Variants in HCN1 observed in about 807,000 individuals in gnomAD.
HCN1 encodes potassium/sodium hyperpolarization-activated cyclic nucleotide-gated channel 1.
Under a neutral mutation model 78.9 loss-of-function variants are expected in HCN1, and 13 were observed. That is an observed-to-expected ratio of 0.16 (90% CI 0.11 to 0.26). The LOEUF is 0.26. HCN1 is among the 10% of genes least tolerant of loss of function. HCN1 has a pLI of 1.00. For synonymous variants in HCN1, 552 were observed against 455.5 expected (o/e 1.21, Z -2.70); for missense variants, 810 against 1,154.3 (o/e 0.70, Z 4.32).
At chr5:45,649,681 T>C (rs1382113021) in intron 1 of HCN1, among the ~76,000 whole-genome samples, 1 of 152,094 alleles carries the variant, frequency 6.6e-6, no homozygotes, top group South Asian at 2.1e-4. Flanking sequence ...CATTACTGAT[T>C]CAAGTTATTT....
At chr5:45,593,206 G>A (rs1433847516) in intron 2 of HCN1, among the ~76,000 whole-genome samples, 1 of 102,422 alleles carries the variant, frequency 9.8e-6, no homozygotes, top group Admixed American at 1.2e-4. Flanking sequence ...GCGCATGCAC[G>A]CACGCGCACA....
intron 2 of HCN1, among the ~76,000 whole-genome samples, chr5:45,531,232 C>G (rs1742841283): frequency 1.3e-5 from 2 of 152,070 alleles, no homozygotes; most frequent in Admixed American, 1.3e-4. Flanking sequence ...TTGACTCTTC[C>G]CTTTGAACTG....
At chr5:45,607,206 A>T (rs1318856602) in intron 2 of HCN1, among the ~76,000 whole-genome samples, 1 of 151,852 alleles carries the variant, frequency 6.6e-6, no homozygotes, top group African/African-American at 2.4e-5. Flanking sequence ...TTATTAAAAA[A>T]TTTTCAAAAA....
intron 6 of HCN1, among the ~76,000 whole-genome samples, chr5:45,292,230 A>G (rs574219291): frequency 2.4e-4 from 37 of 152,116 alleles, no homozygotes; most frequent in Non-Finnish European, 5.2e-4. Flanking sequence ...TCTTAATCTT[A>G]CAATTGATAA....
intron 4 of HCN1, among the ~76,000 whole-genome samples, chr5:45,372,979 TA>T (rs910009087): frequency 3.6e-5 from 5 of 138,450 alleles, no homozygotes; most frequent in African/African-American, 7.8e-5. Flanking sequence ...ATAAAATAAA[TA>T]AAAAATAATA....
intron 2 of HCN1, among the ~76,000 whole-genome samples, chr5:45,613,155 TC>T (rs976432939): frequency 1.7e-5 from 1 of 60,012 alleles, no homozygotes; most frequent in Non-Finnish European, 3.1e-5. Context: ...CCCTCCCCCC[TC>T]CCCCCACCCC....
At chr5:45,495,873 C>T (rs1326271153) in intron 2 of HCN1, among the ~76,000 whole-genome samples, 1 of 152,118 alleles carries the variant, frequency 6.6e-6, no homozygotes, top group Non-Finnish European at 1.5e-5. Flanking sequence ...TGGTTTTGGT[C>T]TTTGGTTCTG....
At chr5:45,308,203 A>T (rs894560665) in intron 5 of HCN1, among the ~76,000 whole-genome samples, 7 of 152,156 alleles carry the variant, frequency 4.6e-5, no homozygotes, top group Admixed American at 6.6e-5. Flanking sequence ...TTCCACCATG[A>T]TTGAATATTT....
At chr5:45,285,210 T>G (rs1442256284) in intron 6 of HCN1, among the ~76,000 whole-genome samples, 1 of 152,018 alleles carries the variant, frequency 6.6e-6, no homozygotes, top group African/African-American at 2.4e-5. Context: ...ATTCAATTTT[T>G]ACAACTCAGC....
In HCN1 at chr5:45,353,081, T is replaced by C; in HGVS notation, c.1377+19A>G. 6.3e-7 allele frequency: 1 copy of C among 1,592,188 alleles called. No individual in the cohort carries two copies. Among genetic ancestry groups the C allele is most frequent in the Non-Finnish European group, 8.6e-7 (1 of 1,162,076 alleles). On this transcript the variant is annotated intron_variant, in intron 5 of 7. Coordinates refer to ENST00000303230, the MANE Select transcript of HCN1 (RefSeq NM_021072.4). ...AACAATGATTATGTATTATGCATAC[T>C]GAGGACAATAAATCTTACCTCTCTC...
At chr5:45,642,548 C>T (rs553404769) in intron 2 of HCN1, 2 of 152,202 alleles carry the variant, frequency 1.3e-5, no homozygotes, top group African/African-American at 4.8e-5. Context: ...GTGGCAGCTT[C>T]CAGACTTCAC....
chr5:45,494,250 T>A (rs201673946), intron 2 of HCN1, among the ~76,000 whole-genome samples: 38,131 of 151,656 alleles, frequency 0.25, 4,958 homozygotes, highest in East Asian at 0.32. Context: ...CTCCACATCC[T>A]CTCCAGCACC....
At chr5:45,620,784 T>C (rs1382758435) in intron 2 of HCN1, among the ~76,000 whole-genome samples, 2 of 152,160 alleles carry the variant, frequency 1.3e-5, no homozygotes, top group Non-Finnish European at 2.9e-5. Flanking sequence ...TTTACAAGTA[T>C]CCTTGCAGTC....
chr5:45,526,507 A>G (rs1056652892), intron 2 of HCN1, among the ~76,000 whole-genome samples: 18 of 151,910 alleles, frequency 1.2e-4, no homozygotes, highest in Non-Finnish European at 1.9e-4. Flanking sequence ...TCCCAATCCC[A>G]CTACTTCCTC....
At chr5:45,364,528 C>T (rs1177821688) in intron 4 of HCN1, among the ~76,000 whole-genome samples, 1 of 152,058 alleles carries the variant, frequency 6.6e-6, no homozygotes, top group Non-Finnish European at 1.5e-5. Context: ...GTTTCATGAG[C>T]ACATCAAACG....
intron 3 of HCN1, among the ~76,000 whole-genome samples, chr5:45,402,132 G>C (rs1259001534): frequency 6.6e-6 from 1 of 152,058 alleles, no homozygotes; most frequent in Non-Finnish European, 1.5e-5. Flanking sequence ...AAACAGGAGG[G>C]AATGAGGAGC....
intron 2 of HCN1, among the ~76,000 whole-genome samples, chr5:45,567,031 T>G (rs1157936184): frequency 1.3e-5 from 2 of 152,176 alleles, no homozygotes; most frequent in Non-Finnish European, 2.9e-5. Context: ...CCACTTCAAG[T>G]TCATGAAATG....
At chr5:45,491,473 T>C (rs1210066587) in intron 2 of HCN1, among the ~76,000 whole-genome samples, 1 of 152,182 alleles carries the variant, frequency 6.6e-6, no homozygotes, top group East Asian at 1.9e-4. Context: ...CCTTGTGCGC[T>C]CAAGTATTCA....
intron 3 of HCN1, among the ~76,000 whole-genome samples, chr5:45,458,431 C>T (rs1741067928): frequency 1.3e-5 from 2 of 152,044 alleles, no homozygotes; most frequent in South Asian, 4.1e-4. Flanking sequence ...CGAGTGCATT[C>T]CTGCATATAT....
Sources: gnomAD v4.1 joint callset for allele counts (sites outside exome capture counted in the v4.1 genomes callset) on GRCh38, gnomAD v4.1.1 for gene constraint, MANE v1.5 for transcripts, NCBI Gene and HGNC (gene_info 2026-07-23, HGNC 2026-07-21) for gene names.